DPP8: variants seen among roughly 807,000 people sequenced by gnomAD.
The protein encoded by DPP8 is dipeptidyl peptidase 8.
DPP8 carries 31 observed loss-of-function variants against 107.5 expected under a neutral mutation model. The ratio of observed to expected loss-of-function variants is 0.29; its 90% CI spans 0.22 to 0.39. The LOEUF (loss-of-function observed/expected upper bound fraction) is 0.39. Among genes scored for constraint, DPP8 ranks in the 10% least tolerant of loss-of-function variants. The pLI, the probability that DPP8 is intolerant of heterozygous loss-of-function variation, is 1.00. For missense variants in DPP8, 842 were observed against 1,076.1 expected (o/e 0.78, Z 3.04); for synonymous variants, 381 against 356.6 (o/e 1.07, Z -0.77).
At chr15:65,508,153 T>C (rs537858666) in intron 2 of DPP8, among the ~76,000 whole-genome samples, 32 of 152,024 alleles carry the variant, frequency 2.1e-4, no homozygotes, top group African/African-American at 7.0e-4. Context: ...GGCAGGAGAA[T>C]TGCTTGAACC....
intron 6 of DPP8, among the ~76,000 whole-genome samples, chr15:65,488,974 G>T (rs1297622860): frequency 1.3e-5 from 2 of 152,068 alleles, no homozygotes; most frequent in Non-Finnish European, 2.9e-5. Context: ...TTGTTTGTTT[G>T]TTTTCGAGAC....
At position 65,478,924 on chromosome 15, in the gene DPP8, T is replaced by C; in HGVS notation, c.1412A>G (p.Lys471Arg). 1 of 1,594,576 alleles carries C rather than the reference T, an allele frequency of 6.3e-7. No homozygotes were observed. Among genetic ancestry groups the C allele is most frequent in the Non-Finnish European group, 8.5e-7 (1 of 1,172,976 alleles). ...ACTGGATCGTTTATATTTGCTTTCCTTTAAAATAGATGTAATTTTGTATAA... is the reference window on the plus strand; with the variant it reads ...ACTGGATCGTTTATATTTGCTTTCCCTTAAAATAGATGTAATTTTGTATAA... ...RHLYKITSIL[K>R]ESKYKRSSGG... The change falls in exon 11 of 20, where the codon AAG (lysine) becomes AGG (arginine). Residue 471 changes from lysine (K) to arginine (R), a missense_variant. By Grantham distance (26) the Lys-to-Arg change is conservative. Transcript: ENST00000300141.
chr15:65,509,808 C>T (rs1006518027), intron 2 of DPP8, among the ~76,000 whole-genome samples: 1 of 151,884 alleles, frequency 6.6e-6, no homozygotes, highest in Non-Finnish European at 1.5e-5. Context: ...ACAGCTTGAG[C>T]TCAGGAGTTT....
At chr15:65,467,329 C>A in intron 12 of DPP8, 106 bp from the exon 13 acceptor site, 2 of 1,073,612 alleles carry the variant, frequency 1.9e-6, no homozygotes, top group African/African-American at 1.6e-5. Flanking sequence ...CTTATGCCTT[C>A]TTTTTTCTTT....
intron 11 of DPP8, among the ~76,000 whole-genome samples, chr15:65,475,101 A>T (rs990128222): frequency 5.9e-5 from 9 of 152,334 alleles, no homozygotes; most frequent in South Asian, 2.1e-4. Context: ...AAAATAAATA[A>T]AGTCAGTGTT....
chr15:65,466,305 A>T (rs1010617452), intron 14 of DPP8, among the ~76,000 whole-genome samples: 2 of 150,826 alleles, frequency 1.3e-5, no homozygotes, highest in Non-Finnish European at 3.0e-5. Flanking sequence ...CGCCCAGCTA[A>T]TATTTGTATT....
intron 1 of DPP8, chr15:65,515,507 G>T: frequency 3.2e-6 from 2 of 632,724 alleles, no homozygotes; most frequent in Middle Eastern, 3.0e-4. Flanking sequence ...CTTAATTCCT[G>T]ATTATATACA....
intron 12 of DPP8, among the ~76,000 whole-genome samples, chr15:65,470,245 G>C (rs2065755513): frequency 6.6e-6 from 1 of 150,994 alleles, no homozygotes; most frequent in East Asian, 1.9e-4. Flanking sequence ...AACAACTTTG[G>C]GTGGGAACAG....
chr15:65,500,548 G>A, intron 4 of DPP8, 58 bp downstream of exon 4: 1 of 1,376,370 alleles, frequency 7.3e-7, no homozygotes, highest in Admixed American at 1.9e-5. Flanking sequence ...TTTCTGCTTT[G>A]GGTACAAATA....
intron 11 of DPP8, 52 bp from the exon 12 acceptor site, chr15:65,474,340 A>C (rs747520851): frequency 6.0e-6 from 8 of 1,324,382 alleles, no homozygotes; most frequent in Non-Finnish European, 8.7e-6. Flanking sequence ...CTATAAGCAA[A>C]TGAAACAATT....
intron 5 of DPP8, among the ~76,000 whole-genome samples, chr15:65,493,971 A>G (rs536487567): frequency 1.3e-4 from 20 of 152,044 alleles, no homozygotes; most frequent in African/African-American, 4.6e-4. Context: ...TGTTTCAGGC[A>G]CTATCCTGAA....
At chr15:65,494,424 C>T (rs1055391436) in intron 5 of DPP8, among the ~76,000 whole-genome samples, 2 of 151,478 alleles carry the variant, frequency 1.3e-5, no homozygotes, top group Non-Finnish European at 2.9e-5. Flanking sequence ...GGTCTCCCTA[C>T]ATTGCCCAGG....
rs572447185 is a variant in DPP8, at chr15:65,485,946, T to C, written c.956-786A>G. Among the ~76,000 whole-genome samples, 5 of 149,544 alleles carry C rather than the reference T, an allele frequency of 3.3e-5. No individual in the cohort carries two copies. The East Asian group carries it at 7.9e-4, about 24-fold the overall frequency. On this transcript the variant is annotated intron_variant, in intron 7 of 19. Transcript: ENST00000300141. Reference sequence around the variant, plus strand: ...CCATCTCTACTAAAAATACAAAAATTAGCCAGGTGTGGTGGCACACGCCTG... The same window carrying C: ...CCATCTCTACTAAAAATACAAAAATCAGCCAGGTGTGGTGGCACACGCCTG...
In DPP8 at chr15:65,444,523, A is replaced by G. The variant is rs894219978; in HGVS notation, c.*2361T>C. ...CTACTGATTGCCTCAATTGACTATG[A>G]TATTTTCCACACTGATTGTAAAAAG... On this transcript the variant is annotated 3_prime_UTR_variant, in exon 20 of 20. Coordinates refer to ENST00000300141, the MANE Select transcript of DPP8 (RefSeq NM_130434.5). 6.6e-6 allele frequency: 1 copy of G among 152,208 alleles called. No homozygotes were observed. Among genetic ancestry groups the G allele is most frequent in the Non-Finnish European group, 1.5e-5 (1 of 68,030 alleles). The allele number at this position is 152,208 out of a possible 1,614,324, so 9.4% of individuals were successfully genotyped here.
intron 12 of DPP8, among the ~76,000 whole-genome samples, chr15:65,472,597 C>G (rs1338754672): frequency 6.6e-6 from 1 of 152,110 alleles, no homozygotes; most frequent in Non-Finnish European, 1.5e-5. Flanking sequence ...CTGTGCCCAG[C>G]CAGTAAACGC....
At chr15:65,513,547 A>C (rs1394484702) in intron 1 of DPP8, among the ~76,000 whole-genome samples, 1 of 152,246 alleles carries the variant, frequency 6.6e-6, no homozygotes, top group Non-Finnish European at 1.5e-5. Context: ...TTACATGACT[A>C]TTCTTACCAA....
intron 4 of DPP8, among the ~76,000 whole-genome samples, chr15:65,499,717 A>G (rs780805732): frequency 2.0e-4 from 30 of 151,564 alleles, no homozygotes; most frequent in Non-Finnish European, 3.4e-4. Flanking sequence ...GGCGCATGCT[A>G]CCTTGCCTGG....
chr15:65,448,353 G>C (rs1372228464), intron 19 of DPP8, among the ~76,000 whole-genome samples: 1 of 151,952 alleles, frequency 6.6e-6, no homozygotes. Context: ...GGGCAACTTA[G>C]TGACACCCAT....
chr15:65,499,070 AGTGT>A (rs56047613), intron 4 of DPP8, among the ~76,000 whole-genome samples: 251 of 129,748 alleles, frequency 1.9e-3, no homozygotes, highest in African/African-American at 5.7e-3. Context: ...CCAAAAAAAA[AGTGT>A]GTGTGTGTGT....
Sources: allele counts gnomAD v4.1 joint callset (sites outside exome capture counted in the v4.1 genomes callset), GRCh38; gene constraint gnomAD v4.1.1; transcripts MANE v1.5; gene names NCBI Gene and HGNC (gene_info 2026-07-23, HGNC 2026-07-21).